Variants in KCNIP4 observed in about 807,000 individuals in gnomAD.
The protein encoded by KCNIP4 is Kv channel-interacting protein 4.
Under a neutral mutation model 34.0 loss-of-function variants are expected in KCNIP4, and 12 were observed. The ratio of observed to expected loss-of-function variants is 0.35; its 90% CI spans 0.23 to 0.57. KCNIP4 has a LOEUF of 0.57. KCNIP4 is among the 20% of genes least tolerant of loss of function. KCNIP4 has a pLI of 0.83. For synonymous variants in KCNIP4, 124 were observed against 102.2 expected (o/e 1.21, Z -1.29); for missense variants, 238 against 311.7 (o/e 0.76, Z 1.78).
intron 1 of KCNIP4, among the ~76,000 whole-genome samples, chr4:21,625,473 CACATGGGGG>C (rs1745260652): frequency 6.6e-6 from 1 of 152,026 alleles, no homozygotes; most frequent in African/African-American, 2.4e-5. Flanking sequence ...CTCTCAAGTC[CACATGGGGG>C]ACATCAGTGG....
intron 1 of KCNIP4, among the ~76,000 whole-genome samples, chr4:20,960,399 G>A (rs969564901): frequency 6.6e-6 from 1 of 152,194 alleles, no homozygotes; most frequent in African/African-American, 2.4e-5. Flanking sequence ...AGCCAGGAAA[G>A]CAGCAAAAAA....
chr4:21,878,887 T>C (rs971746102), intron 1 of KCNIP4, among the ~76,000 whole-genome samples: 5 of 152,154 alleles, frequency 3.3e-5, no homozygotes, highest in African/African-American at 9.7e-5. Context: ...GAGTACTACT[T>C]AGTGTCTCCT....
chr4:21,367,908 T>A (rs1183476724), intron 1 of KCNIP4, among the ~76,000 whole-genome samples: 1 of 147,554 alleles, frequency 6.8e-6, no homozygotes, highest in Non-Finnish European at 1.5e-5. Context: ...TGCAAGTGGT[T>A]CCCCAGAGAC....
intron 1 of KCNIP4, among the ~76,000 whole-genome samples, chr4:21,006,651 A>G (rs984961312): frequency 2.0e-5 from 3 of 152,238 alleles, no homozygotes; most frequent in Non-Finnish European, 4.4e-5. Flanking sequence ...TGCTGTCGGT[A>G]GAATGAGTGT....
chr4:21,491,275 A>T (rs933976291), intron 1 of KCNIP4, among the ~76,000 whole-genome samples: 2 of 152,106 alleles, frequency 1.3e-5, no homozygotes, highest in African/African-American at 4.8e-5. Flanking sequence ...ACTTCCAGGG[A>T]TGATCCTTCA....
intron 1 of KCNIP4, among the ~76,000 whole-genome samples, chr4:20,908,541 G>C (rs10938816): frequency 0.15 from 23,091 of 152,184 alleles, 1,869 homozygotes; most frequent in East Asian, 0.26. Flanking sequence ...TTGTAAAGCT[G>C]GTTAAAATTC....
At chr4:21,645,501 C>T (rs1746943459) in intron 1 of KCNIP4, among the ~76,000 whole-genome samples, 1 of 152,174 alleles carries the variant, frequency 6.6e-6, no homozygotes, top group Non-Finnish European at 1.5e-5. Context: ...TACTAGTGCA[C>T]TTTATTCTCG....
chr4:21,028,920 T>C (rs1740772834), intron 1 of KCNIP4, among the ~76,000 whole-genome samples: 1 of 152,224 alleles, frequency 6.6e-6, no homozygotes, highest in South Asian at 2.1e-4. Flanking sequence ...GTGAACTTCA[T>C]GTTGCTCTAC....
intron 3 of KCNIP4, among the ~76,000 whole-genome samples, chr4:20,840,604 T>C (rs903319504): frequency 3.3e-5 from 5 of 152,134 alleles, no homozygotes; most frequent in African/African-American, 9.7e-5. Context: ...TGGAGGAAGC[T>C]GGCACCATAG....
chr4:21,898,378 C>T (rs1727519552), intron 1 of KCNIP4, among the ~76,000 whole-genome samples: 1 of 152,114 alleles, frequency 6.6e-6, no homozygotes, highest in African/African-American at 2.4e-5. Flanking sequence ...CCAGCAGAGA[C>T]TCCTTCCTTT....
At chr4:21,569,983 C>T (rs935109236) in intron 1 of KCNIP4, among the ~76,000 whole-genome samples, 2 of 151,940 alleles carry the variant, frequency 1.3e-5, no homozygotes, top group South Asian at 2.1e-4. Context: ...GTGGTACTCC[C>T]CCCACTCAGG....
At chr4:20,850,025 G>A (rs140025359) in intron 3 of KCNIP4, among the ~76,000 whole-genome samples, 1,717 of 152,274 alleles carry the variant, frequency 0.011, 30 homozygotes, top group African/African-American at 0.039. Flanking sequence ...CACCCAGGAG[G>A]GAGGGTCATC....
chr4:21,851,066 T>C (rs190074480), intron 1 of KCNIP4: 22 of 152,156 alleles, frequency 1.4e-4, no homozygotes, highest in Admixed American at 4.6e-4. Context: ...GGAGTAACAC[T>C]CAAGTTTCTA....
At chr4:21,828,650 T>C (rs995990034) in intron 1 of KCNIP4, among the ~76,000 whole-genome samples, 3 of 151,852 alleles carry the variant, frequency 2.0e-5, no homozygotes, top group African/African-American at 4.8e-5. Flanking sequence ...TACAGACTAA[T>C]AGTGATTAGA....
Position 21,560,179 on chromosome 4 carries a change from T to C in KCNIP4, c.61+388392A>G, listed in dbSNP as rs115070905. ...AAATGATACTTTACAAGCGCCTAAA[T>C]TGAACTTTGTTTCACTTGTATCCTG... On this transcript the variant is annotated intron_variant, in intron 1 of 8. Coordinates refer to ENST00000382152, the MANE Select transcript of KCNIP4 (RefSeq NM_025221.6). Among the ~76,000 whole-genome samples the C allele has an allele frequency of 2.9e-3, 438 of 152,216 alleles. 2 individuals carry two copies. The highest frequency in any genetic ancestry group is 0.01 in the African/African-American group (428 of 41,570).
At chr4:21,172,269 C>G (rs1276578373) in intron 1 of KCNIP4, among the ~76,000 whole-genome samples, 1 of 152,078 alleles carries the variant, frequency 6.6e-6, no homozygotes, top group Non-Finnish European at 1.5e-5. Flanking sequence ...TGACCTCAAG[C>G]AATCCGCCGG....
chr4:21,875,760 A>C (rs1366587561), intron 1 of KCNIP4, among the ~76,000 whole-genome samples: 1 of 152,212 alleles, frequency 6.6e-6, no homozygotes, highest in Non-Finnish European at 1.5e-5. Context: ...CACTGTATTA[A>C]TCACACAGGC....
At chr4:21,814,480 G>A (rs77074151) in intron 1 of KCNIP4, among the ~76,000 whole-genome samples, 511 of 152,180 alleles carry the variant, frequency 3.4e-3, no homozygotes, top group Admixed American at 7.9e-3. Context: ...CCTGCCTGTC[G>A]CCACGTAAGA....
At chr4:21,105,075 TG>T (rs1481021538) in intron 1 of KCNIP4, among the ~76,000 whole-genome samples, 1 of 151,640 alleles carries the variant, frequency 6.6e-6, no homozygotes, top group Non-Finnish European at 1.5e-5. Context: ...CTTGGCAATG[TG>T]GTCTCTTTTT....
Sources: gnomAD v4.1 joint callset for allele counts (sites outside exome capture counted in the v4.1 genomes callset) on GRCh38, gnomAD v4.1.1 for gene constraint, MANE v1.5 for transcripts, NCBI Gene and HGNC (gene_info 2026-07-23, HGNC 2026-07-21) for gene names.